SORCS3: variants seen among roughly 807,000 people sequenced by gnomAD.
SORCS3 encodes the protein sortilin related VPS10 domain containing receptor 3, also known as VPS10 domain-containing receptor SorCS3.
A neutral mutation model predicts 146.3 loss-of-function variants in SORCS3; 57 were observed. The observed-to-expected ratio is 0.39, with a 90% CI of 0.31 to 0.49. The LOEUF (loss-of-function observed/expected upper bound fraction) is 0.49. SORCS3 is among the 20% of genes least tolerant of loss of function. The pLI, the probability that SORCS3 is intolerant of heterozygous loss-of-function variation, is 0.92. For synonymous variants in SORCS3, 653 were observed against 618.5 expected (o/e 1.06, Z -0.83); for missense variants, 1,341 against 1,575.5 (o/e 0.85, Z 2.52).
chr10:104,972,616 G>C (rs1589572950), intron 3 of SORCS3, among the ~76,000 whole-genome samples: 1 of 151,800 alleles, frequency 6.6e-6, no homozygotes, highest in Non-Finnish European at 1.5e-5. Context: ...ATGGAGAATG[G>C]GATGGGGGAG....
intron 1 of SORCS3, among the ~76,000 whole-genome samples, chr10:104,796,768 A>T (rs2017561553): frequency 6.6e-6 from 1 of 152,228 alleles, no homozygotes; most frequent in African/African-American, 2.4e-5. Flanking sequence ...ATCATTCAAG[A>T]GGCAGGTTCC....
At chr10:104,823,784 A>G (rs1295280745) in intron 1 of SORCS3, among the ~76,000 whole-genome samples, 2 of 152,238 alleles carry the variant, frequency 1.3e-5, no homozygotes, top group African/African-American at 2.4e-5. Context: ...TCACATGACA[A>G]AGGGAAATTA....
chr10:105,139,564 G>A, intron 8 of SORCS3, 78 bp downstream of exon 8: 2 of 1,162,138 alleles, frequency 1.7e-6, no homozygotes, highest in East Asian at 2.4e-5. Context: ...TTGGGCTACT[G>A]GGAGGTTTTA....
intron 4 of SORCS3, among the ~76,000 whole-genome samples, chr10:105,015,450 A>G (rs931865112): frequency 1.3e-5 from 2 of 152,188 alleles, no homozygotes; most frequent in Non-Finnish European, 2.9e-5. Flanking sequence ...CTAAGTCTAC[A>G]TTTAACCACA....
chr10:104,858,341 A>G (rs938971888), intron 2 of SORCS3, among the ~76,000 whole-genome samples: 5 of 152,186 alleles, frequency 3.3e-5, no homozygotes, highest in Non-Finnish European at 7.3e-5. Flanking sequence ...ATTTTTATAT[A>G]ATGTTTGACT....
intron 3 of SORCS3, among the ~76,000 whole-genome samples, chr10:104,971,232 C>T (rs150987428): frequency 7.9e-4 from 120 of 152,222 alleles, no homozygotes; most frequent in African/African-American, 2.6e-3. Flanking sequence ...GTTCTGGCCA[C>T]GGTGTGAAAC....
intron 4 of SORCS3, among the ~76,000 whole-genome samples, chr10:105,015,290 A>C (rs2055158478): frequency 6.6e-6 from 1 of 152,206 alleles, no homozygotes; most frequent in Non-Finnish European, 1.5e-5. Context: ...ACCCTGGAGA[A>C]ACACTTGCCA....
intron 14 of SORCS3, among the ~76,000 whole-genome samples, chr10:105,183,702 G>A (rs772133505): frequency 2.6e-5 from 4 of 152,124 alleles, no homozygotes; most frequent in Non-Finnish European, 4.4e-5. Flanking sequence ...TCAGATTGTC[G>A]CCAGGCTTGC....
intron 13 of SORCS3, among the ~76,000 whole-genome samples, chr10:105,169,507 T>C (rs2056342548): frequency 1.3e-5 from 2 of 151,856 alleles, no homozygotes; most frequent in Admixed American, 1.3e-4. Context: ...GATACTAGGA[T>C]TTACAGGAGA....
At position 104,874,943 on chromosome 10, in the gene SORCS3, TA is replaced by T. The variant is rs1232616488; in HGVS notation, c.695+32086del. 2.6e-5 allele frequency among the ~76,000 whole-genome samples: 4 copies of T among 152,198 alleles called. No individual in the cohort carries two copies. In the East Asian group the frequency reaches 7.7e-4, roughly 29 times the overall value. The stretch of plus-strand genomic sequence containing the variant: ...ATCATTTGGAACTACCTTACCATAA[TA>T]ACTTGAATCCTTGAATTACACTATG... On this transcript the variant is annotated intron_variant, in intron 2 of 26. Coordinates refer to ENST00000369701, the MANE Select transcript of SORCS3 (RefSeq NM_014978.3).
chr10:104,729,352 C>T (rs2016680474), intron 1 of SORCS3, among the ~76,000 whole-genome samples: 1 of 152,148 alleles, frequency 6.6e-6, no homozygotes, highest in African/African-American at 2.4e-5. Flanking sequence ...ATGATATGCC[C>T]AGAGTACATT....
At chr10:105,091,800 T>C (rs2055712029) in intron 6 of SORCS3, among the ~76,000 whole-genome samples, 1 of 152,104 alleles carries the variant, frequency 6.6e-6, no homozygotes, top group Non-Finnish European at 1.5e-5. Flanking sequence ...AAGAATGAGA[T>C]GTAGGGGTTT....
At chr10:104,951,763 T>C (rs912494631) in intron 3 of SORCS3, among the ~76,000 whole-genome samples, 2 of 152,188 alleles carry the variant, frequency 1.3e-5, no homozygotes, top group Admixed American at 6.5e-5. Flanking sequence ...AAAACTGGCT[T>C]TTGATGTGAA....
intron 4 of SORCS3, among the ~76,000 whole-genome samples, chr10:104,990,618 A>G (rs2054987895): frequency 6.6e-6 from 1 of 152,140 alleles, no homozygotes; most frequent in Non-Finnish European, 1.5e-5. Flanking sequence ...ACACCTGTGA[A>G]TATGTTACTC....
intron 2 of SORCS3, among the ~76,000 whole-genome samples, chr10:104,864,573 G>A (rs1466348925): frequency 2.0e-5 from 3 of 152,154 alleles, no homozygotes; most frequent in African/African-American, 7.2e-5. Context: ...TGGCCTCTTG[G>A]TGTGCTGTGA....
chr10:105,089,306 ACAG>A (rs1288915678), intron 5 of SORCS3, among the ~76,000 whole-genome samples: 2 of 152,220 alleles, frequency 1.3e-5, no homozygotes, highest in African/African-American at 2.4e-5. Context: ...CTTGAAGCAA[ACAG>A]CCCAAACTGA....
chr10:104,963,437 C>T (rs143124142), intron 3 of SORCS3, among the ~76,000 whole-genome samples: 8 of 152,180 alleles, frequency 5.3e-5, no homozygotes, highest in African/African-American at 1.9e-4. Context: ...AATATACTTT[C>T]TTTCCTTGAT....
intron 4 of SORCS3, among the ~76,000 whole-genome samples, chr10:104,999,551 C>T (rs569920742): frequency 9.9e-4 from 150 of 152,282 alleles, no homozygotes; most frequent in Non-Finnish European, 1.8e-3. Context: ...TCCCCACTCC[C>T]TGCACAACTT....
intron 1 of SORCS3, among the ~76,000 whole-genome samples, chr10:104,767,136 G>A (rs183173174): frequency 6.6e-6 from 1 of 152,262 alleles, no homozygotes; most frequent in African/African-American, 2.4e-5. Context: ...ATTAAATGTG[G>A]TTCTGACTCT....
Sources: gnomAD v4.1 joint callset for allele counts (sites outside exome capture counted in the v4.1 genomes callset) on GRCh38, gnomAD v4.1.1 for gene constraint, MANE v1.5 for transcripts, NCBI Gene and HGNC (gene_info 2026-07-23, HGNC 2026-07-21) for gene names.